Variants in UGT1A8 observed in about 807,000 individuals in gnomAD.
UGT1A8 encodes UDP-glucuronosyltransferase 1A8.
In UGT1A8, 39 loss-of-function variants were observed where a neutral mutation model predicts 45.3. The ratio of observed to expected loss-of-function variants is 0.86; its 90% CI spans 0.67 to 1.12. The LOEUF is 1.12. UGT1A8 is among the 50% of genes most tolerant of loss of function. The pLI, the probability that UGT1A8 is intolerant of heterozygous loss-of-function variation, is 0.00. For synonymous variants in UGT1A8, 275 were observed against 249.2 expected (o/e 1.10, Z -0.97); for missense variants, 719 against 664.9 (o/e 1.08, Z -0.90).
At chr2:233,729,485 T>C in intron 1 of UGT1A8, 1 of 1,614,232 alleles carries the variant, frequency 6.2e-7, no homozygotes, top group Non-Finnish European at 8.5e-7. Context: ...TTGAACAATA[T>C]GTCTTTGGTC....
chr2:233,657,150 G>T (rs2073873365), intron 1 of UGT1A8, among the ~76,000 whole-genome samples: 1 of 152,138 alleles, frequency 6.6e-6, no homozygotes, highest in African/African-American at 2.4e-5. Flanking sequence ...ATGCCCTGTG[G>T]CCTGCTGGCC....
intron 1 of UGT1A8, among the ~76,000 whole-genome samples, chr2:233,679,279 C>T (rs150747338): frequency 1.4e-4 from 22 of 152,328 alleles, no homozygotes; most frequent in Non-Finnish European, 2.2e-4. Context: ...AATGCATTTT[C>T]TGCCTTCACG....
At chr2:233,699,906 G>A (rs1227572101) in intron 1 of UGT1A8, among the ~76,000 whole-genome samples, 2 of 152,172 alleles carry the variant, frequency 1.3e-5, no homozygotes, top group African/African-American at 4.8e-5. Context: ...ATAGTCAGTA[G>A]GATATACGTA....
At chr2:233,696,605 CCTTTCTTT>C (rs57635371) in intron 1 of UGT1A8, among the ~76,000 whole-genome samples, 1 of 151,622 alleles carries the variant, frequency 6.6e-6, no homozygotes, top group Non-Finnish European at 1.5e-5. Context: ...ACTTGGATGC[CCTTTCTTT>C]CTTTCTTTCT....
intron 1 of UGT1A8, among the ~76,000 whole-genome samples, chr2:233,659,217 G>C (rs961376430): frequency 1.5e-4 from 23 of 152,100 alleles, no homozygotes; most frequent in African/African-American, 5.6e-4. Context: ...TTCATTGCTA[G>C]TACAGTTGAC....
At position 233,713,884 on chromosome 2, in the gene UGT1A8, C is replaced by T. The variant is rs182934742; in HGVS notation, c.856-53150C>T. 373 of 1,613,558 alleles carry T rather than the reference C, an allele frequency of 2.3e-4. 1 individual carries two copies. The African/African-American group carries it at 4.1e-3, about 18-fold the overall frequency. On this transcript the variant is annotated intron_variant, in intron 1 of 4. Coordinates refer to ENST00000373450, the MANE Select transcript of UGT1A8 (RefSeq NM_019076.5). ...GTCTGTATTGGTGCCTTTATCCAAT[C>T]AATGTTCCAGGCAAAACACTTTTTA...
At chr2:233,710,185 T>A (rs2076116992) in intron 1 of UGT1A8, among the ~76,000 whole-genome samples, 1 of 152,234 alleles carries the variant, frequency 6.6e-6, no homozygotes, top group Admixed American at 6.5e-5. Flanking sequence ...GATGGACATG[T>A]GGATAGTTTC....
chr2:233,755,373 C>T (rs534555830), intron 1 of UGT1A8: 63 of 357,550 alleles, frequency 1.8e-4, no homozygotes, highest in Non-Finnish European at 2.9e-4. Flanking sequence ...GCCTGGAGGG[C>T]CGCCCCTTAT....
chr2:233,716,944 C>T (rs192038385), intron 1 of UGT1A8, among the ~76,000 whole-genome samples: 1 of 152,264 alleles, frequency 6.6e-6, no homozygotes, highest in Non-Finnish European at 1.5e-5. Context: ...CTCCTATTTC[C>T]CAGGCACCAG....
At chr2:233,739,217 T>C (rs913655982) in intron 1 of UGT1A8, among the ~76,000 whole-genome samples, 1 of 152,096 alleles carries the variant, frequency 6.6e-6, no homozygotes, top group Non-Finnish European at 1.5e-5. Flanking sequence ...ATGGATAGAG[T>C]CCTTATAGAG....
At chr2:233,684,922 A>G (rs573693941) in intron 1 of UGT1A8, among the ~76,000 whole-genome samples, 3 of 151,414 alleles carry the variant, frequency 2.0e-5, no homozygotes, top group African/African-American at 7.2e-5. Context: ...CTTGTTAGAC[A>G]ACAGGATTCA....
rs753857882 is a variant in UGT1A8, at chr2:233,750,179, ATGT to A, written c.856-16851_856-16849del. ...AATGGTTTTGACCAAAATGCTGATA[ATGT>A]TGTGGACAATGAAGTCCAGGCTGAG... On this transcript the variant is annotated intron_variant, in intron 1 of 4. Transcript: ENST00000373450. Among the ~76,000 whole-genome samples, 2 of 151,978 alleles carry A rather than the reference ATGT, an allele frequency of 1.3e-5. 1 individual carries two copies. The highest frequency in any genetic ancestry group is 6.8e-3 in the Middle Eastern group (2 of 294).
At chr2:233,720,365 G>T (rs920594093) in intron 1 of UGT1A8, among the ~76,000 whole-genome samples, 1 of 152,064 alleles carries the variant, frequency 6.6e-6, no homozygotes, top group Non-Finnish European at 1.5e-5. Flanking sequence ...ATGTCAAAAG[G>T]GTCTTCTACT....
chr2:233,651,046 T>A (rs746687785), intron 1 of UGT1A8, among the ~76,000 whole-genome samples: 4 of 152,212 alleles, frequency 2.6e-5, no homozygotes, highest in Non-Finnish European at 5.9e-5. Flanking sequence ...AATGAAATAA[T>A]GTAAAAAACA....
chr2:233,664,666 C>T (rs751202765), intron 1 of UGT1A8, among the ~76,000 whole-genome samples: 5 of 152,146 alleles, frequency 3.3e-5, no homozygotes, highest in Non-Finnish European at 5.9e-5. Flanking sequence ...TACTCACTGA[C>T]TATTGCAAGG....
At chr2:233,703,124 C>T (rs1256494808) in intron 1 of UGT1A8, among the ~76,000 whole-genome samples, 1 of 152,146 alleles carries the variant, frequency 6.6e-6, no homozygotes, top group Non-Finnish European at 1.5e-5. Flanking sequence ...AATCTTTTTA[C>T]CTGTTATGGC....
rs772518837 is a variant in UGT1A8, at chr2:233,618,514, G to C, written c.807G>C (p.Met269Ile). 5.0e-6 allele frequency: 8 copies of C among 1,613,904 alleles called. No individual in the cohort carries two copies. In the South Asian group the frequency reaches 8.8e-5, roughly 18 times the overall value. Residue 269 changes from methionine (M) to isoleucine (I), a missense_variant, in exon 1 of 5, where the codon ATG becomes ATC. Coordinates refer to ENST00000373450, the MANE Select transcript of UGT1A8 (RefSeq NM_019076.5). ...LDYPKPVMPNMIFIGGINCHQ... is the reference protein window; with the variant it reads ...LDYPKPVMPNIIFIGGINCHQ... ...ATCCCAAACCCGTGATGCCCAATAT[G>C]ATCTTCATTGGTGGTATCAACTGCC...
At chr2:233,747,265 C>T in intron 1 of UGT1A8, 1 of 1,599,630 alleles carries the variant, frequency 6.3e-7, no homozygotes, top group Non-Finnish European at 8.5e-7. Context: ...AGGAGTGCTA[C>T]TCCTTCTCAG....
chr2:233,729,188 G>A, intron 1 of UGT1A8: 4 of 1,613,988 alleles, frequency 2.5e-6, no homozygotes, highest in Non-Finnish European at 3.4e-6. Context: ...CTTCTCCTCA[G>A]TGTCCAGCCC....
Sources: allele counts gnomAD v4.1 joint callset (sites outside exome capture counted in the v4.1 genomes callset), GRCh38; gene constraint gnomAD v4.1.1; transcripts MANE v1.5; gene names NCBI Gene and HGNC (gene_info 2026-07-23, HGNC 2026-07-21).